PKHD1: variants seen among roughly 807,000 people sequenced by gnomAD.
PKHD1 encodes fibrocystin.
PKHD1 carries 291 observed loss-of-function variants against 412.0 expected under a neutral mutation model. The ratio of observed to expected loss-of-function variants is 0.71; its 90% CI spans 0.64 to 0.78. PKHD1 has a LOEUF of 0.78. Among genes scored for constraint, PKHD1 ranks in the 30% least tolerant of loss-of-function variants. PKHD1 has a pLI of 0.00. For missense variants in PKHD1, 4,825 were observed against 4,950.7 expected (o/e 0.97, Z 0.76); for synonymous variants, 1,777 against 1,821.5 (o/e 0.98, Z 0.62).
chr6:51,958,676 T>C (rs1318947629), intron 36 of PKHD1, among the ~76,000 whole-genome samples: 2 of 152,160 alleles, frequency 1.3e-5, no homozygotes, highest in East Asian at 1.9e-4. Flanking sequence ...TTGATTCATA[T>C]GGAGAAAGCC....
At chr6:51,977,981 C>T (rs1794672750) in intron 35 of PKHD1, among the ~76,000 whole-genome samples, 1 of 152,138 alleles carries the variant, frequency 6.6e-6, no homozygotes, top group Non-Finnish European at 1.5e-5. Context: ...TCACCACCAT[C>T]CTCCCCGCAA....
At position 51,659,339 on chromosome 6, in the gene PKHD1, C is replaced by G; in HGVS notation, c.10787G>C (p.Arg3596Thr). 1 of 1,613,822 alleles carries G rather than the reference C, an allele frequency of 6.2e-7. No homozygotes were observed. Among genetic ancestry groups the G allele is most frequent in the Non-Finnish European group, 8.5e-7 (1 of 1,179,908 alleles). The change falls in exon 61 of 67, where the codon AGG becomes ACG. Residue 3596 changes from arginine (R) to threonine (T), a missense_variant. Arg to Thr is a moderately conservative substitution (Grantham distance 71). Coordinates refer to ENST00000371117, the MANE Select transcript of PKHD1 (RefSeq NM_138694.4). The stretch of plus-strand genomic sequence containing the variant: ...ATGGCCAGGCATCTCGTGAATAAAC[C>G]TGATTTGGTTTTGGCCAATCTGTAA... ...NFLQIGQNQI[R>T]FIHEMPGHEE...
intron 61 of PKHD1, among the ~76,000 whole-genome samples, chr6:51,652,305 C>A (rs1229130577): frequency 1.3e-5 from 2 of 152,162 alleles, no homozygotes; most frequent in East Asian, 3.9e-4. Flanking sequence ...TTCGATTCCA[C>A]CAGATCTGAA....
intron 35 of PKHD1, among the ~76,000 whole-genome samples, chr6:51,972,575 T>C (rs755772781): frequency 1.1e-4 from 16 of 152,196 alleles, no homozygotes; most frequent in Non-Finnish European, 1.8e-4. Flanking sequence ...TACGTGCAGA[T>C]TTTGTAGAAT....
Position 51,619,115 on chromosome 6 carries a change from G to C in PKHD1, c.12191C>G (p.Ser4064Ter), listed in dbSNP as rs752188003. 4 of 1,614,224 alleles carry C rather than the reference G, an allele frequency of 2.5e-6. 1 individual carries two copies. The South Asian group carries it at 4.4e-5, about 18-fold the overall frequency. The change falls in exon 67 of 67, where the codon TCA becomes TGA. Residue 4064 changes from serine (S) to a stop codon, truncating the protein, a stop_gained. Coordinates refer to ENST00000371117, the MANE Select transcript of PKHD1 (RefSeq NM_138694.4). LOFTEE classifies it high-confidence loss of function. Reference sequence around the variant, plus strand: ...CTCCTGAATAGTTTCCGGGTGTACTGAATGAAGGCAGAATGCCTCAGTGGC... The same window carrying C: ...CTCCTGAATAGTTTCCGGGTGTACTCAATGAAGGCAGAATGCCTCAGTGGC... ...CGATEAFCLH[S>*]VHPETIQEQL
chr6:51,764,155 G>A (rs1346674598), intron 55 of PKHD1, among the ~76,000 whole-genome samples: 5 of 134,142 alleles, frequency 3.7e-5, no homozygotes, highest in East Asian at 4.4e-4. Context: ...CTGTGTCCAC[G>A]TGTACTCATC....
chr6:51,947,180 T>C (rs1789585877), intron 36 of PKHD1, among the ~76,000 whole-genome samples: 1 of 152,188 alleles, frequency 6.6e-6, no homozygotes, highest in Non-Finnish European at 1.5e-5. Context: ...CAATGCTCAG[T>C]CCTCACCCTT....
rs9382063 is a variant in PKHD1, at chr6:52,063,317, C to A, written c.977-657G>T. Reference sequence around the variant, plus strand: ...GCAAAACTCTGGAATCCCAGCTAGACGTGTAGCTTTGAGCAAATTCCTTGA... The same window carrying A: ...GCAAAACTCTGGAATCCCAGCTAGAAGTGTAGCTTTGAGCAAATTCCTTGA... On this transcript the variant is annotated intron_variant, in intron 13 of 66. Transcript: ENST00000371117. Among the ~76,000 whole-genome samples the A allele has an allele frequency of 4.2e-4, 64 of 152,306 alleles. 1 individual carries two copies. The South Asian group carries it at 0.013, about 30-fold the overall frequency.
chr6:51,871,316 A>T (rs1325821006), intron 46 of PKHD1, among the ~76,000 whole-genome samples: 1 of 121,890 alleles, frequency 8.2e-6, no homozygotes, highest in African/African-American at 2.7e-5. Context: ...ACTGCATTAC[A>T]TCTATCTAAT....
At chr6:51,967,441 C>T (rs185280017) in intron 35 of PKHD1, among the ~76,000 whole-genome samples, 15 of 152,132 alleles carry the variant, frequency 9.9e-5, no homozygotes, top group South Asian at 6.2e-4. Flanking sequence ...TTAAAACATG[C>T]GCAAAATGGA....
intron 60 of PKHD1, among the ~76,000 whole-genome samples, chr6:51,720,374 T>C (rs1420297107): frequency 6.6e-6 from 1 of 152,146 alleles, no homozygotes; most frequent in Non-Finnish European, 1.5e-5. Flanking sequence ...CATCCACATA[T>C]CCAGCCTCAT....
rs1443456459 is a variant in PKHD1 at position 51,777,722 on chromosome 6, G to A, written c.8441-1801C>T. Among the ~76,000 whole-genome samples the A allele has an allele frequency of 2.2e-5, 3 of 137,772 alleles. No individual in the cohort carries two copies. The East Asian group carries it at 6.0e-4, about 28-fold the overall frequency. The allele number at this position is 137,772 out of a possible 152,430, so 90.4% of individuals were successfully genotyped here. On this transcript the variant is annotated intron_variant, in intron 53 of 66. Coordinates refer to ENST00000371117, the MANE Select transcript of PKHD1 (RefSeq NM_138694.4). Reference sequence around the variant, plus strand: ...AAAAAAAAAAAAAAAAAGTGGCCTAGCACTAAAGAGATACCAGAGAGAAAA... The same window carrying A: ...AAAAAAAAAAAAAAAAAGTGGCCTAACACTAAAGAGATACCAGAGAGAAAA...
At chr6:51,920,425 C>T (rs552839501) in intron 37 of PKHD1, among the ~76,000 whole-genome samples, 1 of 152,250 alleles carries the variant, frequency 6.6e-6, no homozygotes, top group African/African-American at 2.4e-5. Context: ...TGCTGGATTA[C>T]ATTTATTGAT....
In PKHD1 at chr6:52,002,797, A is replaced by T. The variant is rs890915058; in HGVS notation, c.5751+7512T>A. Among the ~76,000 whole-genome samples the T allele has an allele frequency of 4.0e-4, 61 of 152,346 alleles. 1 individual carries two copies. The highest frequency in any genetic ancestry group is 1.4e-3 in the African/African-American group (59 of 41,580). ...AATTAGGGAATAAAAAGTATTTTCA[A>T]ATTAGCCTCTAAATAGCTATGTATA... On this transcript the variant is annotated intron_variant, in intron 35 of 66. Transcript: ENST00000371117.
chr6:52,074,045 G>GT (rs1274687205), intron 6 of PKHD1, among the ~76,000 whole-genome samples: 1 of 152,206 alleles, frequency 6.6e-6, no homozygotes, highest in African/African-American at 2.4e-5. Context: ...GGGATCCCAA[G>GT]TATGTGCCTT....
At chr6:51,665,545 A>G (rs1773602523) in intron 60 of PKHD1, among the ~76,000 whole-genome samples, 1 of 152,172 alleles carries the variant, frequency 6.6e-6, no homozygotes, top group Non-Finnish European at 1.5e-5. Context: ...AGTTTTGACA[A>G]TAAGGATTCT....
intron 51 of PKHD1, among the ~76,000 whole-genome samples, chr6:51,834,152 A>C (rs542892954): frequency 2.0e-5 from 3 of 152,250 alleles, no homozygotes; most frequent in African/African-American, 7.2e-5. Context: ...CAGTATCCAC[A>C]AATTTGTTTT....
intron 43 of PKHD1, among the ~76,000 whole-genome samples, chr6:51,891,281 G>T (rs2127571982): frequency 6.6e-6 from 1 of 152,086 alleles, no homozygotes; most frequent in Middle Eastern, 3.4e-3. Context: ...TTGTTTGTTT[G>T]TTTGTTTTCT....
chr6:51,701,752 TA>T (rs1282103458), intron 60 of PKHD1, among the ~76,000 whole-genome samples: 2 of 151,964 alleles, frequency 1.3e-5, no homozygotes, highest in African/African-American at 4.8e-5. Flanking sequence ...TTTTAGAAAC[TA>T]ATTTTTTCTC....
Sources: allele counts gnomAD v4.1 joint callset (sites outside exome capture counted in the v4.1 genomes callset), GRCh38; gene constraint gnomAD v4.1.1; transcripts MANE v1.5; gene names NCBI Gene and HGNC (gene_info 2026-07-23, HGNC 2026-07-21).